Variants in HCRTR1 observed in about 807,000 individuals in gnomAD.
The protein encoded by HCRTR1 is hypocretin receptor 1, also known as orexin/Hypocretin receptor type 1.
Under a neutral mutation model 40.6 loss-of-function variants are expected in HCRTR1, and 28 were observed. The ratio of observed to expected loss-of-function variants is 0.69; its 90% CI spans 0.51 to 0.95. The LOEUF (loss-of-function observed/expected upper bound fraction) is 0.95, where lower values mean the gene tolerates loss of function less well. HCRTR1 is among the 40% of genes least tolerant of loss of function. The probability of loss-of-function intolerance (pLI) is 0.00; values close to 1 mark genes in which losing one functional copy is unlikely to be tolerated. For synonymous variants in HCRTR1, 209 were observed against 230.0 expected (o/e 0.91, Z 0.83); for missense variants, 482 against 564.7 (o/e 0.85, Z 1.48).
At chr1:31,619,862 C>T in intron 4 of HCRTR1, 152 bp downstream of exon 4, 1 of 681,302 alleles carries the variant, frequency 1.5e-6, no homozygotes, top group South Asian at 1.9e-5. Flanking sequence ...CTAGCAAGGG[C>T]AAGCCACCAG....
chr1:31,623,664 A>T lies in HCRTR1; in HGVS notation c.880A>T (p.Arg294Trp). The T allele has an allele frequency of 3.1e-6, 5 of 1,614,104 alleles. No homozygotes were observed. The South Asian group carries it at 4.4e-5, about 14-fold the overall frequency. The change falls in exon 7 of 9, where the codon AGG (arginine) becomes TGG (tryptophan). Residue 294 changes from arginine (R) to tryptophan (W), a missense_variant. By Grantham distance (101) the Arg-to-Trp change is moderately radical (BLOSUM62 -3). Coordinates refer to ENST00000403528, the MANE Select transcript of HCRTR1 (RefSeq NM_001525.3). ...TGAAGTGAAGCAGATGCGTGCACGG[A>T]GGAAGACAGCCAAGATGCTGATGGT... is the stretch of plus-strand genomic sequence containing the variant. The part of the protein sequence containing the change: ...LAEVKQMRAR[R>W]KTAKMLMVVL...
chr1:31,627,839 C>A (rs1398035884), downstream of HCRTR1, among the ~76,000 whole-genome samples: 1 of 152,170 alleles, frequency 6.6e-6, no homozygotes, highest in East Asian at 1.9e-4. Context: ...CCTCACCCCT[C>A]GACACAACTG....
chr1:31,625,295 C>T lies in HCRTR1; in HGVS notation c.1087+177C>T, dbSNP rs1041830115. 6.6e-6 allele frequency among the ~76,000 whole-genome samples: 1 copy of T among 152,188 alleles called. No individual in the cohort carries two copies. The highest frequency in any genetic ancestry group is 1.5e-5 in the Non-Finnish European group (1 of 68,018). Reference sequence around the variant, plus strand: ...AAGCGGCCCTGGCCTGAGTGGGAGACGGGCCACACTCCCTACAGTGGCTGG... The same window carrying T: ...AAGCGGCCCTGGCCTGAGTGGGAGATGGGCCACACTCCCTACAGTGGCTGG... On this transcript the variant is annotated intron_variant, in intron 8 of 8. Transcript: ENST00000403528. This position sits in a 1 kb window ranked among gnomAD's most constrained non-coding sequence, Gnocchi z 4.2.
In HCRTR1 at chr1:31,627,489, G is replaced by A. The variant is rs1640005368; in HGVS notation, c.*509G>A. The A allele has an allele frequency of 8.1e-6, 5 of 618,222 alleles. No individual in the cohort carries two copies. In the Admixed American group the frequency reaches 1.3e-4, roughly 16 times the overall value. The allele number at this position is 618,222 out of a possible 1,614,324, so 38.3% of individuals were successfully genotyped here. A position where few individuals can be genotyped will look rare whatever the true frequency, so the allele number is the denominator to read the frequency against. ...ACGAGCACAGCCCCACCCTAACCAG[G>A]TGCCAAGGGCACACACCACAGACCC... On this transcript the variant is annotated 3_prime_UTR_variant, in exon 9 of 9. Transcript: ENST00000403528.
At chr1:31,630,887 T>A, downstream of HCRTR1, 1 of 1,462,240 alleles carries the variant, frequency 6.8e-7, no homozygotes, top group Non-Finnish European at 9.4e-7. Context: ...AAACCTGCCA[T>A]GAGCACCTCC....
chr1:31,631,130 C>T (rs118000109), downstream of HCRTR1, among the ~76,000 whole-genome samples: 100 of 152,290 alleles, frequency 6.6e-4, 2 homozygotes, highest in East Asian at 0.018. Context: ...ACGGACTATC[C>T]GCAATCATCT....
chr1:31,633,082 CACCCACCT>C, downstream of HCRTR1: 2 of 1,492,358 alleles, frequency 1.3e-6, no homozygotes, highest in Non-Finnish European at 1.8e-6. Flanking sequence ...AATGTCCACC[CACCCACCT>C]ACCCACCTAC....
Position 31,625,131 on chromosome 1 carries a change from G to C in HCRTR1, c.1087+13G>C, listed in dbSNP as rs201429553. ...AACTTCCTCAGTGGTGAGCAGGCTG[G>C]GGATGCAAAATGACTGAGGGTGGCC... On this transcript the variant is annotated intron_variant, in intron 8 of 8. Transcript: ENST00000403528. The surrounding 1 kb of genome is among the most constrained non-coding windows in gnomAD (Gnocchi z 4.2). 7 of 1,593,060 alleles carry C rather than the reference G, an allele frequency of 4.4e-6. No homozygotes were observed. The highest frequency in any genetic ancestry group is 1.7e-4 in the Middle Eastern group (1 of 6,012).
Position 31,626,753 on chromosome 1 carries a change from G to A in HCRTR1, c.1088-37G>A, listed in dbSNP as rs1175836170. The A allele has an allele frequency of 2.5e-6, 4 of 1,568,926 alleles. No homozygotes were observed. Among genetic ancestry groups the A allele is most frequent in the Non-Finnish European group, 3.5e-6 (4 of 1,153,074 alleles). ...CTCAAGGCCCCTTCCTGCTGCATCTGTCTCCTTATGGCTGTGTCTTTTGTC... is the reference window on the plus strand; with the variant it reads ...CTCAAGGCCCCTTCCTGCTGCATCTATCTCCTTATGGCTGTGTCTTTTGTC... On this transcript the variant is annotated intron_variant, in intron 8 of 8. Coordinates refer to ENST00000403528, the MANE Select transcript of HCRTR1 (RefSeq NM_001525.3). The surrounding 1 kb of genome is among the most constrained non-coding windows in gnomAD (Gnocchi z 4.6).
In HCRTR1 at chr1:31,621,040, A is replaced by G; in HGVS notation, c.576A>G (p.Leu192=). The change falls in exon 5 of 9, where the codon CTA becomes CTG. Residue 192 remains leucine, a synonymous_variant. Transcript: ENST00000403528. ...AATGCAGCAGTGTGCTGCCTGAGCT[A>G]GCCAACCGCACACGGCTCTTCTCAG... The part of the protein sequence containing the change: ...VMECSSVLPE[L]ANRTRLFSVC... The G allele has an allele frequency of 6.2e-7, 1 of 1,612,440 alleles. No homozygotes were observed.
At position 31,627,278 on chromosome 1, in the gene HCRTR1, G is replaced by T; in HGVS notation, c.*298G>T. Reference sequence around the variant, plus strand: ...ATAATCTGTCCCCATCCTCCTTCCAGAGCTTGGTCATCCTCCTAAAGACCC... The same window carrying T: ...ATAATCTGTCCCCATCCTCCTTCCATAGCTTGGTCATCCTCCTAAAGACCC... On this transcript the variant is annotated 3_prime_UTR_variant, in exon 9 of 9. Transcript: ENST00000403528. The T allele has an allele frequency of 7.1e-7, 1 of 1,401,828 alleles. No homozygotes were observed. The allele number at this position is 1,401,828 out of a possible 1,614,324, so 86.8% of individuals were successfully genotyped here. A position where few individuals can be genotyped will look rare whatever the true frequency, so the allele number is the denominator to read the frequency against.
At chr1:31,630,663 G>A (rs1465872048), downstream of HCRTR1, 5 of 1,613,234 alleles carry the variant, frequency 3.1e-6, no homozygotes, top group Non-Finnish European at 4.2e-6. Context: ...AAGCTGAGCC[G>A]AATGTTGCCT....
chr1:31,630,034 G>A (rs181397217), downstream of HCRTR1: 322 of 159,674 alleles, frequency 2.0e-3, no homozygotes, highest in African/African-American at 7.4e-3. Context: ...CAGCTGCAGA[G>A]GGCAGAAGCC....
downstream of HCRTR1, chr1:31,627,691 G>A: frequency 3.6e-6 from 1 of 279,448 alleles, no homozygotes; most frequent in Non-Finnish European, 7.1e-6. Context: ...GCTGGGGGGA[G>A]GGAAGACAAG....
At chr1:31,620,721 G>T in intron 4 of HCRTR1, 122 bp from the exon 5 acceptor site, 1 of 1,279,026 alleles carries the variant, frequency 7.8e-7, no homozygotes, top group Non-Finnish European at 1.1e-6. Flanking sequence ...CATTTACACA[G>T]CCAGTAAGTG....
chr1:31,627,206 G>C lies in HCRTR1; in HGVS notation c.*226G>C, dbSNP rs1639998427. 3.3e-6 allele frequency: 5 copies of C among 1,494,576 alleles called. No individual in the cohort carries two copies. The highest frequency in any genetic ancestry group is 4.5e-6 in the Non-Finnish European group (5 of 1,119,964). The allele number at this position is 1,494,576 out of a possible 1,614,324, so 92.6% of individuals were successfully genotyped here. On this transcript the variant is annotated 3_prime_UTR_variant, in exon 9 of 9. Coordinates refer to ENST00000403528, the MANE Select transcript of HCRTR1 (RefSeq NM_001525.3). Reference sequence around the variant, plus strand: ...CTCCTTGTAAACTGTGAAGTGTTGTGGACATGATTATTGTTGTACTTCTCT... The same window carrying C: ...CTCCTTGTAAACTGTGAAGTGTTGTCGACATGATTATTGTTGTACTTCTCT...
downstream of HCRTR1, chr1:31,632,598 G>A (rs748480431): frequency 3.0e-5 from 49 of 1,614,058 alleles, 1 homozygote; most frequent in African/African-American, 1.1e-4. Context: ...CTGAGAAGCC[G>A]TAGACATCGA....
rs200965303 is a variant in HCRTR1 at position 31,623,619 on chromosome 1, C to A, written c.835C>A (p.Arg279=). 9.3e-6 allele frequency: 15 copies of A among 1,613,742 alleles called. No homozygotes were observed. The highest frequency in any genetic ancestry group is 1.1e-5 in the Non-Finnish European group (13 of 1,180,048). Residue 279 remains arginine (R), a synonymous_variant, in exon 7 of 9, where the codon CGG becomes AGG. Transcript: ENST00000403528. ...GGGCCTGAGTGGAGAGCCCCAGCCC[C>A]GGGCCCGCGCCTTCCTGGCTGAAGT... The part of the protein sequence containing the change: ...EQGLSGEPQP[R]ARAFLAEVKQ...
At chr1:31,633,560 T>A (rs184748574), downstream of HCRTR1, among the ~76,000 whole-genome samples, 60 of 152,310 alleles carry the variant, frequency 3.9e-4, no homozygotes, top group African/African-American at 1.4e-3. Context: ...CTACTCTTAA[T>A]TGATTTTATG....
Sources: allele counts gnomAD v4.1 joint callset (sites outside exome capture counted in the v4.1 genomes callset), GRCh38; gene constraint gnomAD v4.1.1; non-coding constraint Gnocchi (gnomAD v3.1); transcripts MANE v1.5; gene names NCBI Gene and HGNC (gene_info 2026-07-23, HGNC 2026-07-21).